The following GRIN2D variants were observed in gnomAD, a reference collection of about 807,000 sequenced individuals.
GRIN2D encodes glutamate ionotropic receptor NMDA type subunit 2D.
In GRIN2D, 37 loss-of-function variants were observed where a neutral mutation model predicts 103.2. That is an observed-to-expected ratio of 0.36 (90% CI 0.28 to 0.47). The LOEUF (loss-of-function observed/expected upper bound fraction) is 0.47, where lower values mean the gene tolerates loss of function less well. Ranked by LOEUF, GRIN2D falls within the 20% of genes least tolerant of loss-of-function variation. The pLI is 1.00. For missense variants in GRIN2D, 1,557 were observed against 1,910.6 expected (o/e 0.81, Z 3.45); for synonymous variants, 845 against 885.6 (o/e 0.95, Z 0.81).
intron 11 of GRIN2D, among the ~76,000 whole-genome samples, chr19:48,427,665 G>A (rs1309712518): frequency 1.3e-5 from 2 of 150,132 alleles, no homozygotes; most frequent in East Asian, 3.9e-4. Context: ...TTTTAGTAGA[G>A]ATGGGGTTTC....
At chr19:48,401,368 T>A (rs150277199) in intron 3 of GRIN2D, among the ~76,000 whole-genome samples, 15 of 152,080 alleles carry the variant, frequency 9.9e-5, no homozygotes, top group African/African-American at 1.7e-4. Context: ...CTGGAGGAAA[T>A]CAACACAGGA....
intron 11 of GRIN2D, among the ~76,000 whole-genome samples, chr19:48,431,031 T>C (rs1971149881): frequency 6.6e-6 from 1 of 152,022 alleles, no homozygotes; most frequent in Non-Finnish European, 1.5e-5. Flanking sequence ...ATTGAAGAGC[T>C]TGGTCTCAAA....
chr19:48,413,080 G>C (rs1331909548), intron 4 of GRIN2D, among the ~76,000 whole-genome samples: 1 of 145,962 alleles, frequency 6.9e-6, no homozygotes. Flanking sequence ...AGGTTGCAGT[G>C]AGCCGAGACC....
At chr19:48,440,587 C>T (rs940450325) in intron 11 of GRIN2D, among the ~76,000 whole-genome samples, 5 of 152,026 alleles carry the variant, frequency 3.3e-5, no homozygotes, top group Admixed American at 6.6e-5. Flanking sequence ...AGTGAGACCT[C>T]GTCTCAGGAA....
chr19:48,424,850 T>A (rs1971068815), intron 11 of GRIN2D, among the ~76,000 whole-genome samples: 1 of 152,084 alleles, frequency 6.6e-6, no homozygotes, highest in South Asian at 2.1e-4. Flanking sequence ...ACAGAAAATA[T>A]AAAAGGGCGC....
At chr19:48,398,968 T>A in intron 3 of GRIN2D, 111 bp downstream of exon 3, 1 of 1,011,922 alleles carries the variant, frequency 9.9e-7, no homozygotes, top group Non-Finnish European at 1.3e-6. Context: ...GGGACTGTCC[T>A]GTGGGTCCGA....
intron 11 of GRIN2D, among the ~76,000 whole-genome samples, chr19:48,432,957 A>AT (rs1971176692): frequency 6.7e-6 from 1 of 149,664 alleles, no homozygotes; most frequent in Non-Finnish European, 1.5e-5. Context: ...TGCCCAGCTA[A>AT]TTTTTGTATT....
Position 48,442,646 on chromosome 19 carries a change from A to C in GRIN2D, c.2720A>C (p.Lys907Thr). The stretch of plus-strand genomic sequence containing the variant: ...GCTGAGGCCGCCCCACCGCCCGCCA[A>C]GCCCCCGCCGCCGCCACAGCCCCTG... ...CSAEAAPPPAKPPPPPQPLPS... is the reference protein window; with the variant it reads ...CSAEAAPPPATPPPPPQPLPS... Residue 907 changes from lysine (K) to threonine (T), a missense_variant, in exon 14 of 14, where the codon AAG (lysine) becomes ACG (threonine). Physicochemically the swap from Lys to Thr is moderately conservative, Grantham distance 78. Transcript: ENST00000263269. This position sits in a 1 kb window ranked among gnomAD's most constrained non-coding sequence, Gnocchi z 7.2. 6.7e-7 allele frequency: 1 copy of C among 1,484,252 alleles called. No individual in the cohort carries two copies. The highest frequency in any genetic ancestry group is 1.3e-5 in the South Asian group (1 of 79,024). The allele number at this position is 1,484,252 out of a possible 1,614,324, so 91.9% of individuals were successfully genotyped here.
At chr19:48,431,600 T>A (rs75689762) in intron 11 of GRIN2D, among the ~76,000 whole-genome samples, 3 of 151,932 alleles carry the variant, frequency 2.0e-5, no homozygotes, top group Non-Finnish European at 4.4e-5. Flanking sequence ...TTTTTTTTTT[T>A]TGAGACGGAG....
At position 48,416,167 on chromosome 19, in the gene GRIN2D, C is replaced by T. The variant is rs1165623976; in HGVS notation, c.1735+12C>T. 2.5e-6 allele frequency: 4 copies of T among 1,612,504 alleles called. No homozygotes were observed. The highest frequency in any genetic ancestry group is 3.4e-6 in the Non-Finnish European group (4 of 1,179,328). Reference sequence around the variant, plus strand: ...CTCGGCCTTCCTCGGTAATCTGGGGCCCTGGGACAGGGAGCTAGCCCTAGG... The same window carrying T: ...CTCGGCCTTCCTCGGTAATCTGGGGTCCTGGGACAGGGAGCTAGCCCTAGG... On this transcript the variant is annotated intron_variant, in intron 8 of 13. Coordinates refer to ENST00000263269, the MANE Select transcript of GRIN2D (RefSeq NM_000836.4).
chr19:48,404,934 G>A lies in GRIN2D; in HGVS notation c.666G>A (p.Thr222=), dbSNP rs373401802. The part of the protein sequence containing the change: ...LVGWEHRGAL[T]LDPGAGEAVL... ...GCTGGGAGCACCGCGGAGCGCTGAC[G>A]CTGGACCCTGGGGCGGGCGAGGCCG... The change falls in exon 4 of 14, where the codon ACG becomes ACA. Residue 222 remains threonine (T), a synonymous_variant. Coordinates refer to ENST00000263269, the MANE Select transcript of GRIN2D (RefSeq NM_000836.4). 1.2e-6 allele frequency: 2 copies of A among 1,613,452 alleles called. No individual in the cohort carries two copies. Among genetic ancestry groups the A allele is most frequent in the Non-Finnish European group, 1.7e-6 (2 of 1,179,868 alleles).
At chr19:48,398,088 CTCT>C (rs1457813217) in intron 2 of GRIN2D, among the ~76,000 whole-genome samples, 4 of 151,432 alleles carry the variant, frequency 2.6e-5, no homozygotes, top group Non-Finnish European at 5.9e-5. Context: ...CCGTCTCCCC[CTCT>C]CTCTCCCCTC....
chr19:48,398,335 T>C, intron 2 of GRIN2D, 32 bp from the exon 3 acceptor site: 1 of 946,460 alleles, frequency 1.1e-6, no homozygotes, highest in Non-Finnish European at 1.3e-6. Flanking sequence ...TGCCTCCCTC[T>C]CCTCCCCGTC....
intron 4 of GRIN2D, among the ~76,000 whole-genome samples, chr19:48,412,153 C>T (rs1249841811): frequency 7.9e-5 from 12 of 151,474 alleles, no homozygotes; most frequent in Non-Finnish European, 1.5e-4. Context: ...GGTGAAACCC[C>T]GTCTCTACTA....
intron 4 of GRIN2D, among the ~76,000 whole-genome samples, chr19:48,409,231 C>T (rs1046169409): frequency 2.6e-5 from 4 of 151,660 alleles, no homozygotes; most frequent in African/African-American, 9.7e-5. Flanking sequence ...GTTTCCACCT[C>T]CTAATTCCCA....
chr19:48,433,664 G>A (rs1300470501), intron 11 of GRIN2D, among the ~76,000 whole-genome samples: 5 of 152,124 alleles, frequency 3.3e-5, no homozygotes, highest in Non-Finnish European at 7.4e-5. Flanking sequence ...TGAGAGATGT[G>A]CAATTTCTCA....
intron 2 of GRIN2D, among the ~76,000 whole-genome samples, chr19:48,395,538 G>A (rs927510838): frequency 2.6e-5 from 4 of 151,994 alleles, no homozygotes; most frequent in South Asian, 4.2e-4. Flanking sequence ...ACGGGATGCC[G>A]TCTGCAGCAC....
intron 2 of GRIN2D, among the ~76,000 whole-genome samples, chr19:48,397,828 A>G (rs1970661228): frequency 6.9e-6 from 1 of 144,826 alleles, no homozygotes; most frequent in Admixed American, 6.9e-5. Context: ...CCCCATCCCC[A>G]CCTTGTCTAT....
rs1270394641 is a variant in GRIN2D, at chr19:48,415,022, T to G, written c.1571T>G (p.Met524Arg). The change falls in exon 7 of 14, where the codon ATG becomes AGG. Residue 524 changes from methionine to arginine, a missense_variant. Transcript: ENST00000263269. Reference protein sequence around the residue: ...GKKIDGVWNGMIGEVFYQRAD... With the variant: ...GKKIDGVWNGRIGEVFYQRAD... ...AAGATCGATGGCGTCTGGAACGGCA[T>G]GATCGGGGAGGTGAGGGGGCGGACG... 6.3e-7 allele frequency: 1 copy of G among 1,589,702 alleles called. No individual in the cohort carries two copies.
Sources: gnomAD v4.1 joint callset for allele counts (sites outside exome capture counted in the v4.1 genomes callset) on GRCh38, gnomAD v4.1.1 for gene constraint, Gnocchi (gnomAD v3.1) non-coding constraint, MANE v1.5 for transcripts, NCBI Gene and HGNC (gene_info 2026-07-23, HGNC 2026-07-21) for gene names.